The following IQCH variants were observed in gnomAD, a reference collection of about 807,000 sequenced individuals.
IQCH encodes IQ motif containing H.
A neutral mutation model predicts 117.0 loss-of-function variants in IQCH; 98 were observed. The observed-to-expected ratio is 0.84, with a 90% CI of 0.71 to 0.99. The LOEUF (loss-of-function observed/expected upper bound fraction) is 0.99. Ranked by LOEUF, IQCH falls within the 50% of genes least tolerant of loss-of-function variation. The pLI is 0.00. For missense variants in IQCH, 1,102 were observed against 1,243.8 expected (o/e 0.89, Z 1.72); for synonymous variants, 412 against 448.2 (o/e 0.92, Z 1.02).
intron 4 of IQCH, among the ~76,000 whole-genome samples, chr15:67,288,468 G>A (rs746204442): frequency 2.6e-5 from 4 of 151,958 alleles, no homozygotes; most frequent in South Asian, 2.1e-4. Flanking sequence ...ATTGTTACAC[G>A]TTTTTGCTGA....
chr15:67,392,253 G>C (rs1971310192), intron 12 of IQCH, among the ~76,000 whole-genome samples: 1 of 152,050 alleles, frequency 6.6e-6, no homozygotes, highest in Non-Finnish European at 1.5e-5. Flanking sequence ...TCCTCTTCTG[G>C]GTGCCCTGAA....
chr15:67,428,143 T>C (rs943909147), intron 16 of IQCH, among the ~76,000 whole-genome samples: 4 of 152,130 alleles, frequency 2.6e-5, no homozygotes, highest in African/African-American at 9.7e-5. Flanking sequence ...ATAGAGAATA[T>C]TTAGAGCAAA....
chr15:67,385,040 C>A lies in IQCH; in HGVS notation c.1456+21C>A. Reference sequence around the variant, plus strand: ...CTTAGGTACAGTAAATAGTTTTACACAAATGACTCTTTGGAATGTTTATCA... The same window carrying A: ...CTTAGGTACAGTAAATAGTTTTACAAAAATGACTCTTTGGAATGTTTATCA... On this transcript the variant is annotated intron_variant, in intron 11 of 20. Coordinates refer to ENST00000335894, the MANE Select transcript of IQCH (RefSeq NM_001031715.3). The surrounding 1 kb of genome is among the most constrained non-coding windows in gnomAD (Gnocchi z 4.6). 7.1e-7 allele frequency: 1 copy of A among 1,403,158 alleles called. No individual in the cohort carries two copies. Among genetic ancestry groups the A allele is most frequent in the Middle Eastern group, 1.8e-4 (1 of 5,658 alleles). 86.9% of individuals were successfully genotyped at this position (1,403,158 alleles called of 1,614,324 possible). A position where few individuals can be genotyped will look rare whatever the true frequency, so the allele number is the denominator to read the frequency against.
At chr15:67,368,600 T>C (rs952839116) in intron 8 of IQCH, among the ~76,000 whole-genome samples, 8 of 152,216 alleles carry the variant, frequency 5.3e-5, no homozygotes, top group African/African-American at 1.9e-4. Context: ...CTAATGGATA[T>C]GTTTGGGTAT....
In IQCH at chr15:67,500,671, A is replaced by C. The variant is rs142327362; in HGVS notation, c.3009A>C (p.Thr1003=). 2,992 of 1,603,502 alleles carry C rather than the reference A, an allele frequency of 1.9e-3. 10 individuals carry two copies. The highest frequency in any genetic ancestry group is 2.2e-3 in the Non-Finnish European group (2,601 of 1,171,810). Residue 1003 remains threonine (T), a synonymous_variant, in exon 21 of 21, where the codon ACA becomes ACC. Coordinates refer to ENST00000335894, the MANE Select transcript of IQCH (RefSeq NM_001031715.3). The surrounding 1 kb of genome is among the most constrained non-coding windows in gnomAD (Gnocchi z 4.4). ...IADIETILRV[T]KENKMRFEEE... ...ATATTGAAACTATTCTAAGAGTAAC[A>C]AAGGAAAACAAAATGAGATTTGAAG...
rs149647886 is a variant in IQCH, at chr15:67,270,486, A to G, written c.269+7270A>G. ...GTCCCATGTTGAAAGTTGATCCCCA[A>G]TGTTAGAGGTGGAACCTGATGGAAG... On this transcript the variant is annotated intron_variant, in intron 3 of 20. Transcript: ENST00000335894. 1.0e-3 allele frequency among the ~76,000 whole-genome samples: 155 copies of G among 152,282 alleles called. 4 individuals are homozygous for G. In the East Asian group the frequency reaches 0.012, roughly 12 times the overall value.
At chr15:67,353,416 A>G (rs1233533460) in intron 6 of IQCH, among the ~76,000 whole-genome samples, 1 of 151,154 alleles carries the variant, frequency 6.6e-6, no homozygotes, top group East Asian at 1.9e-4. Flanking sequence ...CTGGAGTGCA[A>G]TGGCGTGATC....
intron 12 of IQCH, 116 bp downstream of exon 12, chr15:67,389,122 G>A (rs1031049242): frequency 1.0e-5 from 8 of 774,724 alleles, no homozygotes; most frequent in Non-Finnish European, 1.7e-5. Flanking sequence ...AAGTTTAACA[G>A]CTTTACTGAT....
intron 4 of IQCH, among the ~76,000 whole-genome samples, chr15:67,295,015 G>A (rs1038617928): frequency 1.3e-5 from 2 of 152,018 alleles, no homozygotes; most frequent in African/African-American, 2.4e-5. Context: ...ATTTCAGGTG[G>A]GCACTAAACT....
At chr15:67,383,425 A>G (rs1017465998) in intron 10 of IQCH, among the ~76,000 whole-genome samples, 2 of 152,198 alleles carry the variant, frequency 1.3e-5, no homozygotes, top group African/African-American at 2.4e-5. Flanking sequence ...GTGATCAGAC[A>G]TCTTTTATAT....
At chr15:67,397,618 A>G (rs865806970) in intron 13 of IQCH, among the ~76,000 whole-genome samples, 1 of 152,228 alleles carries the variant, frequency 6.6e-6, no homozygotes, top group African/African-American at 2.4e-5. Flanking sequence ...ACCGATGTGC[A>G]TCATAAACTT....
rs972609603 is a variant in IQCH at position 67,356,747 on chromosome 15, G to A, written c.638-598G>A. 6.6e-6 allele frequency among the ~76,000 whole-genome samples: 1 copy of A among 152,194 alleles called. No individual in the cohort carries two copies. The highest frequency in any genetic ancestry group is 1.9e-4 in the East Asian group (1 of 5,200). On this transcript the variant is annotated intron_variant, in intron 6 of 20. Coordinates refer to ENST00000335894, the MANE Select transcript of IQCH (RefSeq NM_001031715.3). The surrounding 1 kb of genome is among the most constrained non-coding windows in gnomAD (Gnocchi z 5.3). ...AAAGGGCAGTCAGGTTTGCTGCTAG[G>A]CAGTAGGAGAGATGTGATTGAGAGC... is the stretch of plus-strand genomic sequence containing the variant.
intron 6 of IQCH, among the ~76,000 whole-genome samples, chr15:67,348,337 A>C (rs1969496976): frequency 7.4e-6 from 1 of 134,292 alleles, no homozygotes; most frequent in Non-Finnish European, 1.6e-5. Context: ...CAATTACTGC[A>C]TAGAAATTCG....
chr15:67,263,871 G>C (rs1965559932), intron 3 of IQCH, among the ~76,000 whole-genome samples: 1 of 152,198 alleles, frequency 6.6e-6, no homozygotes, highest in Non-Finnish European at 1.5e-5. Context: ...AAGTGACCTT[G>C]CCTTATCTTT....
intron 7 of IQCH, among the ~76,000 whole-genome samples, chr15:67,358,207 C>CTT (rs71142373): frequency 2.9e-4 from 3 of 10,450 alleles, no homozygotes; most frequent in Admixed American, 1.9e-3. Context: ...ACTTTCTTTT[C>CTT]TTTTTTTTTT....
intron 5 of IQCH, among the ~76,000 whole-genome samples, chr15:67,337,753 G>A (rs997301607): frequency 2.0e-5 from 3 of 152,190 alleles, no homozygotes; most frequent in African/African-American, 7.2e-5. Context: ...ATTGACCAAA[G>A]TGTTAAAAAA....
chr15:67,309,440 G>C (rs1967475354), intron 4 of IQCH, among the ~76,000 whole-genome samples: 1 of 152,014 alleles, frequency 6.6e-6, no homozygotes. Context: ...ATCCTCCCCT[G>C]CACCAAGCAG....
chr15:67,465,538 C>G lies in IQCH; in HGVS notation c.2676+241C>G, dbSNP rs1208834637. Among the ~76,000 whole-genome samples the G allele has an allele frequency of 6.6e-6, 1 of 152,128 alleles. No individual in the cohort carries two copies. The highest frequency in any genetic ancestry group is 6.5e-5 in the Admixed American group (1 of 15,270). ...GCGAAAGAGCATGGGGCTCTCCTCC[C>G]CTTTTTCTAGGCAGGTACACCTACA... On this transcript the variant is annotated intron_variant, in intron 17 of 20. Transcript: ENST00000335894. This position sits in a 1 kb window ranked among gnomAD's most constrained non-coding sequence, Gnocchi z 5.9.
chr15:67,356,136 A>C lies in IQCH; in HGVS notation c.638-1209A>C, dbSNP rs1415642006. Among the ~76,000 whole-genome samples the C allele has an allele frequency of 1.3e-5, 2 of 152,198 alleles. No individual in the cohort carries two copies. The highest frequency in any genetic ancestry group is 1.9e-4 in the East Asian group (1 of 5,196). On this transcript the variant is annotated intron_variant, in intron 6 of 20. Coordinates refer to ENST00000335894, the MANE Select transcript of IQCH (RefSeq NM_001031715.3). The surrounding 1 kb of genome is among the most constrained non-coding windows in gnomAD (Gnocchi z 5.3). ...TGGATTCAAAGCAGGCTGAACACAGAATGTGGACTTACCTTCAGAAGTGGG... is the reference window on the plus strand; with the variant it reads ...TGGATTCAAAGCAGGCTGAACACAGCATGTGGACTTACCTTCAGAAGTGGG...
Sources: gnomAD v4.1 joint callset for allele counts (sites outside exome capture counted in the v4.1 genomes callset) on GRCh38, gnomAD v4.1.1 for gene constraint, Gnocchi (gnomAD v3.1) non-coding constraint, MANE v1.5 for transcripts, NCBI Gene and HGNC (gene_info 2026-07-23, HGNC 2026-07-21) for gene names.